Variants in GRID2IP observed in about 807,000 individuals in gnomAD.
The protein encoded by GRID2IP is Grid2 interacting protein.
In GRID2IP, 78 loss-of-function variants were observed where a neutral mutation model predicts 114.3. The ratio of observed to expected loss-of-function variants is 0.68; its 90% confidence interval spans 0.57 to 0.82. The LOEUF (loss-of-function observed/expected upper bound fraction) is 0.82. Ranked by LOEUF, GRID2IP falls within the 40% of genes least tolerant of loss-of-function variation. The pLI, the probability that GRID2IP is intolerant of heterozygous loss-of-function variation, is 0.00. For missense variants in GRID2IP, 1,727 were observed against 1,678.5 expected, an observed-to-expected ratio of 1.03 and a Z score of -0.51; for synonymous variants, 809 against 724.0, an observed-to-expected ratio of 1.12 and a Z score of -1.89.
At position 6,503,608 on chromosome 7, in the gene GRID2IP, C is replaced by T. The variant is rs757170584; in HGVS notation, c.2790G>A (p.Glu930=). The change falls in exon 16 of 22, where the codon GAG becomes GAA. Residue 930 remains glutamate (E), a synonymous_variant. Transcript: ENST00000457091. ...VLMSMEPRRL[E]PAHLAQLLLF... The stretch of plus-strand genomic sequence containing the variant: ...GCAGCAGCTGCGCGAGATGTGCGGG[C>T]TCCAGGCGCCGGGGCTCCATGCTCA... 1 of 1,529,156 alleles carries T rather than the reference C, an allele frequency of 6.5e-7. No homozygotes were observed. The highest frequency in any genetic ancestry group is 1.4e-5 in the African/African-American group (1 of 71,978). 94.7% of individuals were successfully genotyped at this position (1,529,156 alleles called of 1,614,324 possible).
At chr7:6,529,495 C>T (rs927358347) in intron 2 of GRID2IP, among the ~76,000 whole-genome samples, 3 of 152,204 alleles carry the variant, frequency 2.0e-5, no homozygotes, top group Non-Finnish European at 4.4e-5. Flanking sequence ...ACCAGGCTGT[C>T]ACCAACTGCA....
At chr7:6,518,133 G>A (rs538237031) in intron 7 of GRID2IP, among the ~76,000 whole-genome samples, 2 of 151,950 alleles carry the variant, frequency 1.3e-5, no homozygotes, top group Non-Finnish European at 2.9e-5. Context: ...GGGGGGCAGA[G>A]GCACAAGGAT....
chr7:6,517,225 T>A (rs1779325837), intron 7 of GRID2IP, among the ~76,000 whole-genome samples: 3 of 151,844 alleles, frequency 2.0e-5, no homozygotes, highest in African/African-American at 4.8e-5. Flanking sequence ...CGGCTATTTT[T>A]TTTTTGTATT....
In GRID2IP at chr7:6,516,883, G is replaced by GAC. The variant is rs1779314353; in HGVS notation, c.1269-2356_1269-2355dup. ...TGTCTGGCGGACACGTGACTCACAT[G>GAC]ACCTTACCTATCATTGGAGATGACT... is the stretch of plus-strand genomic sequence containing the variant. On this transcript the variant is annotated intron_variant, in intron 7 of 21. Transcript: ENST00000457091. This position sits in a 1 kb window ranked among gnomAD's most constrained non-coding sequence, Gnocchi z 4.3. 6.6e-6 allele frequency among the ~76,000 whole-genome samples: 1 copy of GAC among 152,082 alleles called. No individual in the cohort carries two copies. The highest frequency in any genetic ancestry group is 2.4e-5 in the African/African-American group (1 of 41,392).
intron 20 of GRID2IP, among the ~76,000 whole-genome samples, chr7:6,501,070 G>A (rs952129731): frequency 6.6e-6 from 1 of 152,208 alleles, no homozygotes; most frequent in African/African-American, 2.4e-5. Context: ...ATGACCCAGG[G>A]CTAAGCACAG....
rs1161830266 is a variant in GRID2IP, at chr7:6,508,367, G to A, written c.2162C>T (p.Thr721Ile). 4 of 1,551,560 alleles carry A rather than the reference G, an allele frequency of 2.6e-6. No homozygotes were observed. The South Asian group carries it at 3.6e-5, about 14-fold the overall frequency. Reference sequence around the variant, plus strand: ...GTCGCTGGCGCTGCTCCGCTCATTGGTTACGAAGCTGCCCTGGTCATCATG... The same window carrying A: ...GTCGCTGGCGCTGCTCCGCTCATTGATTACGAAGCTGCCCTGGTCATCATG... Reference protein sequence around the residue: ...SFHDDQGSFVTNERSSASDCI... With the variant: ...SFHDDQGSFVINERSSASDCI... Residue 721 changes from threonine to isoleucine, a missense_variant, in exon 13 of 22, where the codon ACC becomes ATC. Physicochemically the swap from Thr to Ile is moderately conservative, Grantham distance 89 (BLOSUM62 -1). Transcript: ENST00000457091. The surrounding 1 kb of genome is among the most constrained non-coding windows in gnomAD (Gnocchi z 5.6).
chr7:6,539,795 C>T lies in GRID2IP; in HGVS notation c.507G>A (p.Gln169=), dbSNP rs573030823. Residue 169 remains glutamine (Q), a synonymous_variant, in exon 2 of 22, where the codon CAG becomes CAA. Coordinates refer to ENST00000457091, the MANE Select transcript of GRID2IP (RefSeq NM_001145118.2). Reference sequence around the variant, plus strand: ...GAGTCCACACCAGATCATCCACCCGCTGCTCAGCTGCAAACTGCTTCAGTG... The same window carrying T: ...GAGTCCACACCAGATCATCCACCCGTTGCTCAGCTGCAAACTGCTTCAGTG... ...FAALKQFAAE[Q]RVDDLVWTLT... 9.0e-6 allele frequency: 14 copies of T among 1,550,792 alleles called. No individual in the cohort carries two copies. Among genetic ancestry groups the T allele is most frequent in the South Asian group, 1.2e-5 (1 of 84,026 alleles).
At chr7:6,538,925 G>C (rs1311276231) in intron 2 of GRID2IP, among the ~76,000 whole-genome samples, 1 of 152,042 alleles carries the variant, frequency 6.6e-6, no homozygotes, top group African/African-American at 2.4e-5. Context: ...GAGAAGAAAG[G>C]AAAGAAAGGA....
At chr7:6,545,583 C>T (rs989641676) in intron 1 of GRID2IP, among the ~76,000 whole-genome samples, 2 of 152,180 alleles carry the variant, frequency 1.3e-5, no homozygotes, top group African/African-American at 4.8e-5. Context: ...GGTTTCCAGT[C>T]AGAGGCCACG....
At position 6,519,855 on chromosome 7, in the gene GRID2IP, C is replaced by T. The variant is rs565359863; in HGVS notation, c.1268+723G>A. On this transcript the variant is annotated intron_variant, in intron 7 of 21. Transcript: ENST00000457091. The surrounding 1 kb of genome is among the most constrained non-coding windows in gnomAD (Gnocchi z 4.1). ...AGACCATAATAATGACCCCATGGACCGAGGAGTGTGATAAATGCAGCTGGC... is the reference window on the plus strand; with the variant it reads ...AGACCATAATAATGACCCCATGGACTGAGGAGTGTGATAAATGCAGCTGGC... Among the ~76,000 whole-genome samples, 18 of 152,292 alleles carry T rather than the reference C, an allele frequency of 1.2e-4. No individual in the cohort carries two copies. The highest frequency in any genetic ancestry group is 2.2e-4 in the African/African-American group (9 of 41,554).
chr7:6,499,400 T>C (rs1786350189), intron 20 of GRID2IP, among the ~76,000 whole-genome samples: 1 of 152,178 alleles, frequency 6.6e-6, no homozygotes, highest in South Asian at 2.1e-4. Flanking sequence ...ATGTGCCAGG[T>C]CAATTTCCTT....
In GRID2IP at chr7:6,520,842, G is replaced by A. The variant is rs1779398026; in HGVS notation, c.1085-81C>T. On this transcript the variant is annotated intron_variant, in intron 6 of 21. Transcript: ENST00000457091. The surrounding 1 kb of genome is among the most constrained non-coding windows in gnomAD (Gnocchi z 4.6). Reference sequence around the variant, plus strand: ...GTAGTCTCCCTGGCTTTTGAGGTCAGGAGACCTCCTGAGCTGGGGTGTGGC... The same window carrying A: ...GTAGTCTCCCTGGCTTTTGAGGTCAAGAGACCTCCTGAGCTGGGGTGTGGC... 4.5e-6 allele frequency: 6 copies of A among 1,345,202 alleles called. No homozygotes were observed. The highest frequency in any genetic ancestry group is 6.1e-6 in the Non-Finnish European group (6 of 985,292). The allele number at this position is 1,345,202 out of a possible 1,614,324, so 83.3% of individuals were successfully genotyped here. A position where few individuals can be genotyped will look rare whatever the true frequency, so the allele number is the denominator to read the frequency against.
At chr7:6,544,456 T>C (rs1188683155) in intron 1 of GRID2IP, among the ~76,000 whole-genome samples, 1 of 151,344 alleles carries the variant, frequency 6.6e-6, no homozygotes. Context: ...ATGTTTTGTG[T>C]TTTTAGTAGA....
At chr7:6,504,932 G>C in intron 14 of GRID2IP, 62 bp from the exon 15 acceptor site, 1 of 1,389,886 alleles carries the variant, frequency 7.2e-7, no homozygotes, top group Non-Finnish European at 1.0e-6. Flanking sequence ...GGAAGGCCCA[G>C]GGGTGGCGTG....
Position 6,551,137 on chromosome 7 carries a change from T to G in GRID2IP, c.300A>C (p.Thr100=), listed in dbSNP as rs1444103481. The G allele has an allele frequency of 7.6e-7, 1 of 1,319,806 alleles. No homozygotes were observed. The highest frequency in any genetic ancestry group is 4.3e-5 in the Admixed American group (1 of 23,520). The allele number at this position is 1,319,806 out of a possible 1,614,324, so 81.8% of individuals were successfully genotyped here. A position where few individuals can be genotyped will look rare whatever the true frequency, so the allele number is the denominator to read the frequency against. ...GPGSGPAAPT[T]VLRAPRCGRG... is the part of the protein sequence containing the mutation. ...GGCCGCACCGCGGGGCCCGCAAGAC[T>G]GTGGTCGGGGCCGCGGGGCCGGATC... is the stretch of plus-strand genomic sequence containing the variant. The change falls in exon 1 of 22, where the codon ACA becomes ACC. Residue 100 remains threonine, a synonymous_variant. Transcript: ENST00000457091.
intron 2 of GRID2IP, chr7:6,530,948 C>T: frequency 3.8e-6 from 2 of 526,786 alleles, no homozygotes; most frequent in East Asian, 3.5e-5. Flanking sequence ...AGGGTGCCCA[C>T]CCAGGGCAGG....
rs922017285 is a variant in GRID2IP at position 6,511,000 on chromosome 7, G to T, written c.1463C>A (p.Thr488Lys). 2.0e-6 allele frequency: 3 copies of T among 1,520,904 alleles called. No homozygotes were observed. In the African/African-American group the frequency reaches 4.2e-5, roughly 21 times the overall value. The allele number at this position is 1,520,904 out of a possible 1,614,324, so 94.2% of individuals were successfully genotyped here. ...EPELDLESEP[T>K]PEPQPRSSLR... ...GGAGCTCCGCGGCTGGGGCTCAGGC[G>T]TGGGCTCGGACTCCAGGTCCAGCTC... Residue 488 changes from threonine (T) to lysine (K), a missense_variant, in exon 9 of 22, where the codon ACG becomes AAG. Coordinates refer to ENST00000457091, the MANE Select transcript of GRID2IP (RefSeq NM_001145118.2).
At position 6,526,736 on chromosome 7, in the gene GRID2IP, G is replaced by C; in HGVS notation, c.618C>G (p.Phe206Leu). 1 of 1,523,564 alleles carries C rather than the reference G, an allele frequency of 6.6e-7. No individual in the cohort carries two copies. The highest frequency in any genetic ancestry group is 8.8e-7 in the Non-Finnish European group (1 of 1,135,670). 94.4% of individuals were successfully genotyped at this position (1,523,564 alleles called of 1,614,324 possible). Residue 206 changes from phenylalanine (F) to leucine (L), a missense_variant, in exon 3 of 22, where the codon TTC (phenylalanine) becomes TTG (leucine). Transcript: ENST00000457091. This position sits in a 1 kb window ranked among gnomAD's most constrained non-coding sequence, Gnocchi z 7.6. ...IFIPKKHRAR[F>L]DEVVSQGLLG... ...GGAGGCCCTGAGACACCACCTCGTC[G>C]AAGCGCGCCCGGTGCTTCTTGGGGA... is the stretch of plus-strand genomic sequence containing the variant.
rs368523010 is a variant in GRID2IP at position 6,497,048 on chromosome 7, C to A, written c.*726G>T. 6.6e-6 allele frequency among the ~76,000 whole-genome samples: 1 copy of A among 152,170 alleles called. No homozygotes were observed. The highest frequency in any genetic ancestry group is 1.5e-5 in the Non-Finnish European group (1 of 68,032). On this transcript the variant is annotated 3_prime_UTR_variant, in exon 22 of 22. Coordinates refer to ENST00000457091, the MANE Select transcript of GRID2IP (RefSeq NM_001145118.2). The stretch of plus-strand genomic sequence containing the variant: ...GAAGTCTGGCAGTTGGCCACCAGAT[C>A]CTGCTCACCTCCTGCCTCAACACCT...
Sources: allele counts gnomAD v4.1 joint callset (sites outside exome capture counted in the v4.1 genomes callset), GRCh38; gene constraint gnomAD v4.1.1; non-coding constraint Gnocchi (gnomAD v3.1); transcripts MANE v1.5; gene names NCBI Gene and HGNC (gene_info 2026-07-23, HGNC 2026-07-21).